Variants in STOX2 observed in about 807,000 individuals in gnomAD.
STOX2 encodes the protein storkhead-box protein 2.
In STOX2, 28 loss-of-function variants were observed where a neutral mutation model predicts 60.9. That is an observed-to-expected ratio of 0.46 (90% CI 0.34 to 0.63). The LOEUF is 0.63. Ranked by LOEUF, STOX2 falls within the 30% of genes least tolerant of loss-of-function variation. The pLI is 0.01. For synonymous variants in STOX2, 472 were observed against 463.9 expected, an observed-to-expected ratio of 1.02 and a Z score of -0.22; for missense variants, 1,024 against 1,187.7, an observed-to-expected ratio of 0.86 and a Z score of 2.03.
chr4:183,826,612 G>A (rs187983982), intron 1 of STOX2, among the ~76,000 whole-genome samples: 3 of 152,318 alleles, frequency 2.0e-5, no homozygotes, highest in African/African-American at 7.2e-5. Flanking sequence ...GTCCTGGGAC[G>A]GCTGCCTGCT....
chr4:183,822,083 G>A (rs891387722), intron 1 of STOX2, among the ~76,000 whole-genome samples: 1 of 152,172 alleles, frequency 6.6e-6, no homozygotes, highest in Admixed American at 6.5e-5. Flanking sequence ...AGCCTTTCAG[G>A]CCCCGGATTA....
At chr4:183,936,289 T>C (rs1278677781) in intron 1 of STOX2, among the ~76,000 whole-genome samples, 1 of 152,234 alleles carries the variant, frequency 6.6e-6, no homozygotes, top group Non-Finnish European at 1.5e-5. Flanking sequence ...TAGCCTCGTG[T>C]AGCCTAGCCT....
At chr4:183,936,241 G>A (rs997732998) in intron 1 of STOX2, among the ~76,000 whole-genome samples, 1 of 152,074 alleles carries the variant, frequency 6.6e-6, no homozygotes, top group Non-Finnish European at 1.5e-5. Context: ...TTTGCAGTCT[G>A]TGTGAAACCT....
At chr4:183,849,504 A>G (rs899437551) in intron 1 of STOX2, among the ~76,000 whole-genome samples, 2 of 152,248 alleles carry the variant, frequency 1.3e-5, no homozygotes, top group African/African-American at 4.8e-5. Context: ...CAGGGCTTGG[A>G]AAGAAGACAA....
At chr4:183,918,338 G>A (rs193064992) in intron 1 of STOX2, among the ~76,000 whole-genome samples, 1 of 152,336 alleles carries the variant, frequency 6.6e-6, no homozygotes, top group East Asian at 1.9e-4. Context: ...CGTGCAGTCA[G>A]TGTAGTCAGT....
At chr4:183,841,115 G>A (rs13151543) in intron 1 of STOX2, among the ~76,000 whole-genome samples, 5,066 of 152,092 alleles carry the variant, frequency 0.033, 127 homozygotes, top group Non-Finnish European at 0.051. Flanking sequence ...TGATCTGCCC[G>A]CCCCGACCTC....
chr4:183,839,500 T>C (rs1289873477), intron 1 of STOX2, among the ~76,000 whole-genome samples: 1 of 152,192 alleles, frequency 6.6e-6, no homozygotes, highest in Non-Finnish European at 1.5e-5. Flanking sequence ...AATGGAAAGT[T>C]GTGGCTCATC....
At chr4:183,950,249 T>C (rs1743027637) in intron 1 of STOX2, among the ~76,000 whole-genome samples, 2 of 152,242 alleles carry the variant, frequency 1.3e-5, no homozygotes, top group Admixed American at 1.3e-4. Flanking sequence ...ATTGTGTGCC[T>C]GGGTGTGGTC....
At chr4:183,801,534 G>T (rs11724912) in intron 1 of STOX2, among the ~76,000 whole-genome samples, 48,414 of 152,106 alleles carry the variant, frequency 0.32, 8,283 homozygotes, top group African/African-American at 0.44. Flanking sequence ...TTTGTTTTGA[G>T]TGAACGAGAA....
chr4:183,897,202 G>T (rs146389397), intron 1 of STOX2, among the ~76,000 whole-genome samples: 202 of 152,322 alleles, frequency 1.3e-3, no homozygotes, highest in Non-Finnish European at 2.4e-3. Context: ...TAGAGGTTTG[G>T]TGACTCAAAT....
chr4:183,922,373 G>T (rs1377663137), intron 1 of STOX2, among the ~76,000 whole-genome samples: 10 of 148,330 alleles, frequency 6.7e-5, no homozygotes, highest in African/African-American at 1.7e-4. Context: ...TTGAGATGGA[G>T]TCTCGCTCTG....
Position 184,010,631 on chromosome 4 carries a change from A to G in STOX2, c.1793A>G (p.Asp598Gly). Residue 598 changes from aspartate (D) to glycine (G), a missense_variant, in exon 3 of 4, where the codon GAT becomes GGT. This residue lies in a region of STOX2 where 922 missense variants were observed against 1,058.3 expected (regional missense o/e 0.87). Coordinates refer to ENST00000308497, the MANE Select transcript of STOX2 (RefSeq NM_020225.3). This position sits in a 1 kb window ranked among gnomAD's most constrained non-coding sequence, Gnocchi z 4.5. ...TCTTGTCCAACAAAAACAGCCACAG[A>G]TGACTATTTCCAGTGCAACACCTCT... Reference protein sequence around the residue: ...LNSCPTKTATDDYFQCNTSSE... With the variant: ...LNSCPTKTATGDYFQCNTSSE... 2 of 1,614,040 alleles carry G rather than the reference A, an allele frequency of 1.2e-6. No individual in the cohort carries two copies. Among genetic ancestry groups the G allele is most frequent in the Non-Finnish European group, 1.7e-6 (2 of 1,179,894 alleles).
chr4:183,985,969 A>G (rs1351121525), intron 1 of STOX2, among the ~76,000 whole-genome samples: 1 of 152,158 alleles, frequency 6.6e-6, no homozygotes, highest in Non-Finnish European at 1.5e-5. Context: ...AGCCAGACTT[A>G]AAGAGGTTTG....
At chr4:183,995,337 C>T (rs897922946) in intron 1 of STOX2, among the ~76,000 whole-genome samples, 5 of 117,248 alleles carry the variant, frequency 4.3e-5, no homozygotes, top group Non-Finnish European at 1.6e-5. Context: ...CAAATAGAAC[C>T]GAGATAAGAA....
chr4:184,010,043 C>G lies in STOX2; in HGVS notation c.1205C>G (p.Pro402Arg). 1 of 1,613,808 alleles carries G rather than the reference C, an allele frequency of 6.2e-7. No individual in the cohort carries two copies. Among genetic ancestry groups the G allele is most frequent in the African/African-American group, 1.3e-5 (1 of 75,052 alleles). Reference protein sequence around the residue: ...PAEREYDFCDPLTRVPREGCF... With the variant: ...PAEREYDFCDRLTRVPREGCF... The stretch of plus-strand genomic sequence containing the variant: ...GAAAGAGAGTATGACTTTTGTGATC[C>G]TCTTACCAGGGTGCCCAGGGAGGGC... Residue 402 changes from proline (P) to arginine (R), a missense_variant, in exon 3 of 4, where the codon CCT becomes CGT. By Grantham distance (103) the Pro-to-Arg change is moderately radical. Transcript: ENST00000308497. The surrounding 1 kb of genome is among the most constrained non-coding windows in gnomAD (Gnocchi z 4.5).
At chr4:184,000,232 G>C (rs1413262411) in intron 1 of STOX2, among the ~76,000 whole-genome samples, 2 of 152,140 alleles carry the variant, frequency 1.3e-5, no homozygotes, top group African/African-American at 2.4e-5. Flanking sequence ...GATCCTTGGA[G>C]CATCACTTGA....
chr4:183,844,155 G>A (rs1331134305), intron 1 of STOX2, among the ~76,000 whole-genome samples: 1 of 152,062 alleles, frequency 6.6e-6, no homozygotes, highest in Non-Finnish European at 1.5e-5. Flanking sequence ...CTGAAAAAGG[G>A]ACACCCCATT....
chr4:183,844,484 C>T (rs974802433), intron 1 of STOX2, among the ~76,000 whole-genome samples: 2 of 152,106 alleles, frequency 1.3e-5, no homozygotes, highest in African/African-American at 2.4e-5. Flanking sequence ...ATGGAGTCAC[C>T]TCTTTTTCTC....
intron 1 of STOX2, among the ~76,000 whole-genome samples, chr4:183,823,279 C>A (rs1040974105): frequency 6.6e-6 from 1 of 152,068 alleles, no homozygotes; most frequent in Non-Finnish European, 1.5e-5. Context: ...GCCTGTAGTC[C>A]CAGCTACTCG....
Sources: allele counts gnomAD v4.1 joint callset (sites outside exome capture counted in the v4.1 genomes callset), GRCh38; gene constraint gnomAD v4.1.1; regional missense constraint gnomAD v4.1.1; non-coding constraint Gnocchi (gnomAD v3.1); transcripts MANE v1.5; gene names NCBI Gene and HGNC (gene_info 2026-07-23, HGNC 2026-07-21).